Variants in CUX1 observed in about 807,000 individuals in gnomAD.
CUX1 encodes the protein cut like homeobox 1.
In CUX1, 31 loss-of-function variants were observed where a neutral mutation model predicts 158.8. The ratio of observed to expected loss-of-function variants is 0.20; its 90% CI spans 0.15 to 0.26. The LOEUF (loss-of-function observed/expected upper bound fraction) is 0.26, where lower values mean the gene tolerates loss of function less well. Among genes scored for constraint, CUX1 ranks in the 10% least tolerant of loss-of-function variants. The probability of loss-of-function intolerance (pLI) is 1.00; values close to 1 mark genes in which losing one functional copy is unlikely to be tolerated. For missense variants in CUX1, 1,589 were observed against 2,014.6 expected (o/e 0.79, Z 4.04); for synonymous variants, 879 against 862.1 (o/e 1.02, Z -0.34).
At chr7:101,857,534 G>T (rs1045165921) in intron 1 of CUX1, among the ~76,000 whole-genome samples, 1 of 152,206 alleles carries the variant, frequency 6.6e-6, no homozygotes, top group Non-Finnish European at 1.5e-5. Flanking sequence ...CAGGTGAAGC[G>T]AGGATGGGGT....
Position 102,250,767 on chromosome 7 carries a change from G to T in CUX1, c.*1725G>T, listed in dbSNP as rs1801425041. 1 of 985,312 alleles carries T rather than the reference G, an allele frequency of 1.0e-6. No individual in the cohort carries two copies. The highest frequency in any genetic ancestry group is 1.7e-5 in the African/African-American group (1 of 57,222). 61.0% of individuals were successfully genotyped at this position (985,312 alleles called of 1,614,324 possible). ...CTATGTGTATATGCGTGAGAATAGA[G>T]GCGGGTGAGAGTGTGCGTGCGTGTG... is the stretch of plus-strand genomic sequence containing the variant. On this transcript the variant is annotated 3_prime_UTR_variant, in exon 24 of 24. Coordinates refer to ENST00000292535, the MANE Select transcript of CUX1 (RefSeq NM_181552.4).
rs572791758 is a variant in CUX1, at chr7:102,253,051, C to T, written c.*4009C>T. Reference sequence around the variant, plus strand: ...AGTAATTGAGGCAAAAGATACCAGTCGACAGCCTCCCTGGGGTAGATCCCT... The same window carrying T: ...AGTAATTGAGGCAAAAGATACCAGTTGACAGCCTCCCTGGGGTAGATCCCT... On this transcript the variant is annotated 3_prime_UTR_variant, in exon 24 of 24. Coordinates refer to ENST00000292535, the MANE Select transcript of CUX1 (RefSeq NM_181552.4). 122 of 985,434 alleles carry T rather than the reference C, an allele frequency of 1.2e-4. No individual in the cohort carries two copies. In the African/African-American group the frequency reaches 1.8e-3, roughly 15 times the overall value. 61.0% of individuals were successfully genotyped at this position (985,434 alleles called of 1,614,324 possible). A position where few individuals can be genotyped will look rare whatever the true frequency, so the allele number is the denominator to read the frequency against.
intron 1 of CUX1, among the ~76,000 whole-genome samples, chr7:101,854,836 C>T (rs1796614196): frequency 6.6e-6 from 1 of 152,222 alleles, no homozygotes; most frequent in African/African-American, 2.4e-5. Flanking sequence ...CCTCCGCCTC[C>T]TGGGTTCAAG....
At chr7:101,993,196 G>T (rs1241103253) in intron 2 of CUX1, among the ~76,000 whole-genome samples, 2 of 152,178 alleles carry the variant, frequency 1.3e-5, no homozygotes, top group Non-Finnish European at 2.9e-5. Flanking sequence ...CCGGGTGTGT[G>T]GTGGGTACCA....
At chr7:102,092,938 A>AC (rs1828758924) in intron 4 of CUX1, among the ~76,000 whole-genome samples, 1 of 31,658 alleles carries the variant, frequency 3.2e-5, no homozygotes, top group Non-Finnish European at 7.4e-5. Context: ...AAAAAGAAAG[A>AC]AAGAAAAGAA....
intron 2 of CUX1, among the ~76,000 whole-genome samples, chr7:102,019,249 A>T (rs959064178): frequency 6.7e-6 from 1 of 150,148 alleles, no homozygotes; most frequent in Non-Finnish European, 1.5e-5. Flanking sequence ...GTTTTTTGAG[A>T]CATAGTCTCA....
chr7:101,965,261 G>A (rs1038138279), intron 2 of CUX1, among the ~76,000 whole-genome samples: 1 of 152,156 alleles, frequency 6.6e-6, no homozygotes, highest in Non-Finnish European at 1.5e-5. Context: ...TGGTGTGGGC[G>A]AGGCACTGTG....
chr7:102,276,321 A>G (rs543280918), intron 17 of CUX1, among the ~76,000 whole-genome samples: 10 of 152,146 alleles, frequency 6.6e-5, no homozygotes, highest in Non-Finnish European at 7.4e-5. Context: ...TTGTTTTTTG[A>G]GACCGAGTCC....
chr7:102,018,477 A>G (rs1486696998), intron 2 of CUX1, among the ~76,000 whole-genome samples: 3 of 152,206 alleles, frequency 2.0e-5, no homozygotes, highest in Non-Finnish European at 4.4e-5. Context: ...TTTGGAGACT[A>G]GGCAGGGAAG....
At chr7:101,984,077 C>CCAAAAAAAA (rs1185648555) in intron 2 of CUX1, among the ~76,000 whole-genome samples, 22 of 16,762 alleles carry the variant, frequency 1.3e-3, no homozygotes, top group African/African-American at 6.5e-3. Context: ...TGTCCCCCCC[C>CCAAAAAAAA]AAAAAAAAAA....
At chr7:102,216,780 CCA>C (rs1333800586) in intron 20 of CUX1, among the ~76,000 whole-genome samples, 32 of 94,928 alleles carry the variant, frequency 3.4e-4, no homozygotes, top group Non-Finnish European at 4.5e-4. Context: ...ACACACTCTC[CCA>C]CACACACACT....
At chr7:101,894,559 G>A (rs1199761940) in intron 1 of CUX1, among the ~76,000 whole-genome samples, 2 of 152,118 alleles carry the variant, frequency 1.3e-5, no homozygotes, top group Non-Finnish European at 2.9e-5. Context: ...TGATCCACCC[G>A]CCTCGGCCTC....
intron 2 of CUX1, among the ~76,000 whole-genome samples, chr7:102,019,491 C>A (rs1402993908): frequency 2.0e-5 from 3 of 152,176 alleles, no homozygotes; most frequent in Non-Finnish European, 4.4e-5. Context: ...TCCCAAAGTG[C>A]TGGGATTACA....
chr7:101,936,959 A>G (rs1213217676), intron 2 of CUX1, among the ~76,000 whole-genome samples: 1 of 152,046 alleles, frequency 6.6e-6, no homozygotes, highest in East Asian at 1.9e-4. Context: ...CCTGGGCCCC[A>G]CCCTAGACTT....
At chr7:102,221,613 A>G (rs1441049901) in intron 20 of CUX1, among the ~76,000 whole-genome samples, 3 of 151,810 alleles carry the variant, frequency 2.0e-5, no homozygotes, top group Admixed American at 6.6e-5. Flanking sequence ...TTTGGAATAT[A>G]ATATTTTTCA....
chr7:102,227,531 G>T lies in CUX1; in HGVS notation c.3295G>T (p.Asp1099Tyr), dbSNP rs782378995. 2 of 1,614,056 alleles carry T rather than the reference G, an allele frequency of 1.2e-6. No homozygotes were observed. The highest frequency in any genetic ancestry group is 1.7e-6 in the Non-Finnish European group (2 of 1,180,018). ...PPEPSDPPAS[D>Y]SQPTTPLPLS... Reference sequence around the variant, plus strand: ...AGAGCCCAGTGACCCGCCAGCATCCGACTCCCAGCCCACAACCCCGCTGCC... The same window carrying T: ...AGAGCCCAGTGACCCGCCAGCATCCTACTCCCAGCCCACAACCCCGCTGCC... Residue 1099 changes from aspartate (D) to tyrosine (Y), a missense_variant, in exon 21 of 24, where the codon GAC (aspartate) becomes TAC (tyrosine). This residue lies in a region of CUX1 where 259 missense variants were observed against 373.8 expected (regional missense o/e 0.69). Coordinates refer to ENST00000292535, the MANE Select transcript of CUX1 (RefSeq NM_181552.4).
Position 102,196,727 on chromosome 7 carries a change from G to A in CUX1, c.1316G>A (p.Gly439Glu). 1 of 1,612,660 alleles carries A rather than the reference G, an allele frequency of 6.2e-7. No individual in the cohort carries two copies. The highest frequency in any genetic ancestry group is 8.5e-7 in the Non-Finnish European group (1 of 1,178,964). ...CCTTCTCAGTTGCCCCGCAACCCGG[G>A]GGAGCAGGCTTCCAATACTAATGGT... ...PPPSQLPRNP[G>E]EQASNTNGTH... The change falls in exon 15 of 24, where the codon GGG (glycine) becomes GAG (glutamate). Residue 439 changes from glycine (G) to glutamate (E), a missense_variant. Gly to Glu is a moderately conservative substitution (Grantham distance 98). Around this residue, in one of 8 missense-constraint regions of CUX1, gnomAD observed 515 missense variants for 574.4 expected, o/e 0.90. Transcript: ENST00000292535.
intron 14 of CUX1, among the ~76,000 whole-genome samples, chr7:102,265,976 G>A (rs1196535264): frequency 6.6e-6 from 1 of 152,098 alleles, no homozygotes; most frequent in Non-Finnish European, 1.5e-5. Context: ...GGCCGAGGTG[G>A]GTGGGTCACT....
chr7:101,886,162 G>C (rs185069600), intron 1 of CUX1, among the ~76,000 whole-genome samples: 2 of 152,246 alleles, frequency 1.3e-5, no homozygotes, highest in Admixed American at 1.3e-4. Context: ...AGATGTCTCA[G>C]TGACCCTACA....
Sources: allele counts gnomAD v4.1 joint callset (sites outside exome capture counted in the v4.1 genomes callset), GRCh38; gene constraint gnomAD v4.1.1; regional missense constraint gnomAD v4.1.1; transcripts MANE v1.5; gene names NCBI Gene and HGNC (gene_info 2026-07-23, HGNC 2026-07-21).